The following SRMS variants were observed in gnomAD, a reference collection of about 807,000 sequenced individuals.
SRMS encodes the protein tyrosine-protein kinase Srms.
A neutral mutation model predicts 43.5 loss-of-function variants in SRMS; 42 were observed. That is an observed-to-expected ratio of 0.97 (90% CI 0.75 to 1.25). The LOEUF is 1.25. Among genes scored for constraint, SRMS ranks in the 50% most tolerant of loss-of-function variants. The pLI, the probability that SRMS is intolerant of heterozygous loss-of-function variation, is 0.00. For synonymous variants in SRMS, 316 were observed against 308.2 expected (o/e 1.03, Z -0.27); for missense variants, 703 against 681.0 (o/e 1.03, Z -0.36).
chr20:63,539,942 G>C lies in SRMS; in HGVS notation c.*876C>G, dbSNP rs1299505866. ...GTGCCACCTGGAACCCACCCAGGGA[G>C]ATGGAATCGGCAGCTCCTGCCAATG... On this transcript the variant is annotated 3_prime_UTR_variant, in exon 8 of 8. Transcript: ENST00000217188. Among the ~76,000 whole-genome samples, 2 of 152,210 alleles carry C rather than the reference G, an allele frequency of 1.3e-5. No individual in the cohort carries two copies. Among genetic ancestry groups the C allele is most frequent in the African/African-American group, 4.8e-5 (2 of 41,456 alleles).
In SRMS at chr20:63,547,285, T is replaced by G; in HGVS notation, c.179A>C (p.Tyr60Ser). The G allele has an allele frequency of 6.2e-7, 1 of 1,608,880 alleles. No individual in the cohort carries two copies. Among genetic ancestry groups the G allele is most frequent in the Non-Finnish European group, 8.5e-7 (1 of 1,177,390 alleles). ...SPFPQLFLAL[Y>S]DFTARCGGEL... ...CCCGCCACACCGCGCCGTGAAGTCA[T>G]AGAGCGCAAGGAAGAGCTGAGGGAA... The change falls in exon 1 of 8, where the codon TAT becomes TCT. Residue 60 changes from tyrosine (Y) to serine (S), a missense_variant. Physicochemically the swap from Tyr to Ser is moderately radical, Grantham distance 144. Coordinates refer to ENST00000217188, the MANE Select transcript of SRMS (RefSeq NM_080823.4).
Position 63,543,391 on chromosome 20 carries a change from G to A in SRMS, c.568C>T (p.Leu190=). 6.2e-7 allele frequency: 1 copy of A among 1,612,846 alleles called. No homozygotes were observed. Among genetic ancestry groups the A allele is most frequent in the African/African-American group, 1.3e-5 (1 of 75,076 alleles). ...YLQKGRLFPG[L]EELLTYYKAN... ...TTGTAGTAGGTGAGCAGCTCCTCCA[G>A]GCCGGGAAAGAGCCGTCCCTTCTGC... Residue 190 remains leucine, a synonymous_variant, in exon 3 of 8, where the codon CTG becomes TTG. Coordinates refer to ENST00000217188, the MANE Select transcript of SRMS (RefSeq NM_080823.4).
In SRMS at chr20:63,540,736, A is replaced by T; in HGVS notation, c.*82T>A. ...AGCCAGAGGCTCCTCGGTCCGGCAGACCGGCATCCCTTCGAGTTGGCGCTC... is the reference window on the plus strand; with the variant it reads ...AGCCAGAGGCTCCTCGGTCCGGCAGTCCGGCATCCCTTCGAGTTGGCGCTC... On this transcript the variant is annotated 3_prime_UTR_variant, in exon 8 of 8. Transcript: ENST00000217188. 11 of 1,486,578 alleles carry T rather than the reference A, an allele frequency of 7.4e-6. No individual in the cohort carries two copies. In the South Asian group the frequency reaches 1.2e-4, roughly 16 times the overall value. 92.1% of individuals were successfully genotyped at this position (1,486,578 alleles called of 1,614,324 possible). A position where few individuals can be genotyped will look rare whatever the true frequency, so the allele number is the denominator to read the frequency against.
chr20:63,542,434 C>A lies in SRMS; in HGVS notation c.787+6G>T. Reference sequence around the variant, plus strand: ...CCGGCCGTGGCGCAGGATCTCGGGGCCTCACCTGACTTGATGACCTTGATC... The same window carrying A: ...CCGGCCGTGGCGCAGGATCTCGGGGACTCACCTGACTTGATGACCTTGATC... On this transcript the variant is annotated splice_donor_region_variant and intron_variant, in intron 4 of 7. Transcript: ENST00000217188. The A allele has an allele frequency of 1.9e-6, 3 of 1,609,358 alleles. No individual in the cohort carries two copies. Among genetic ancestry groups the A allele is most frequent in the Non-Finnish European group, 2.5e-6 (3 of 1,177,844 alleles).
rs917568797 is a variant in SRMS at position 63,539,925 on chromosome 20, T to A, written c.*893A>T. Among the ~76,000 whole-genome samples the A allele has an allele frequency of 2.6e-5, 4 of 152,206 alleles. No individual in the cohort carries two copies. Among genetic ancestry groups the A allele is most frequent in the Non-Finnish European group, 4.4e-5 (3 of 68,038 alleles). On this transcript the variant is annotated 3_prime_UTR_variant, in exon 8 of 8. Transcript: ENST00000217188. ...CCCGGCCCACCCTTCCTGTGCCACC[T>A]GGAACCCACCCAGGGAGATGGAATC...
rs371418625 is a variant in SRMS, at chr20:63,542,396, G to C, written c.787+44C>G. On this transcript the variant is annotated intron_variant, in intron 4 of 7. Transcript: ENST00000217188. ...TGCCCTGGGGCTTGAGGGTTGGACA[G>C]CAGGTGCGGGGCCCGGCCGTGGCGC... 4 of 1,597,652 alleles carry C rather than the reference G, an allele frequency of 2.5e-6. No individual in the cohort carries two copies. The African/African-American group carries it at 4.0e-5, about 16-fold the overall frequency.
chr20:63,542,162 C>A lies in SRMS; in HGVS notation c.946+1G>T. 1 of 1,605,084 alleles carries A rather than the reference C, an allele frequency of 6.2e-7. No individual in the cohort carries two copies. On this transcript the variant is annotated splice_donor_variant, in intron 5 of 7. Transcript: ENST00000217188. LOFTEE classifies it high-confidence loss of function. ...CACGTGGCAGCAGGGAGGGGACTCA[C>A]TGCCCAGGAAGGCCTGCAGGTTCCC... is the stretch of plus-strand genomic sequence containing the variant.
At chr20:63,544,938 A>G (rs35183165) in intron 1 of SRMS, among the ~76,000 whole-genome samples, 54,118 of 152,146 alleles carry the variant, frequency 0.36, 12,734 homozygotes, top group Middle Eastern at 0.61. Context: ...GCGAACGTTC[A>G]AAGCATCCTG....
chr20:63,542,081 C>G (rs2082707417), intron 5 of SRMS, 82 bp downstream of exon 5: 2 of 1,529,082 alleles, frequency 1.3e-6, no homozygotes, highest in Non-Finnish European at 1.8e-6. Context: ...CCTCGGAAAC[C>G]CCGCAGGTTC....
At position 63,541,545 on chromosome 20, in the gene SRMS, A is replaced by C; in HGVS notation, c.1022T>G (p.Leu341Arg). 6.3e-7 allele frequency: 1 copy of C among 1,592,080 alleles called. No homozygotes were observed. The highest frequency in any genetic ancestry group is 8.5e-7 in the Non-Finnish European group (1 of 1,171,382). ...ACQVAEGMSY[L>R]EEQRVVHRDL... ...CCGGTGCACAACGCGCTGCTCCTCC[A>C]GGTAGCTCATGCCCTCAGCCACCTG... Residue 341 changes from leucine to arginine, a missense_variant, in exon 6 of 8, where the codon CTG becomes CGG. Coordinates refer to ENST00000217188, the MANE Select transcript of SRMS (RefSeq NM_080823.4).
Position 63,543,477 on chromosome 20 carries a change from C to T in SRMS, c.482G>A (p.Arg161Gln), listed in dbSNP as rs140476273. 300 of 1,612,644 alleles carry T rather than the reference C, an allele frequency of 1.9e-4. No homozygotes were observed. Among genetic ancestry groups the T allele is most frequent in the South Asian group, 6.0e-4 (55 of 91,078 alleles). Reference sequence around the variant, plus strand: ...GTAGTGGCAGACCTTGGCCTGGGCCCGGACTAGGAAGGGTTCAGAGATGGA... The same window carrying T: ...GTAGTGGCAGACCTTGGCCTGGGCCTGGACTAGGAAGGGTTCAGAGATGGA... ...SSLGGYSLSV[R>Q]AQAKVCHYRV... Residue 161 changes from arginine to glutamine, a missense_variant, in exon 3 of 8, where the codon CGG becomes CAG. Arg to Gln is a conservative substitution (Grantham distance 43, BLOSUM62 1). Coordinates refer to ENST00000217188, the MANE Select transcript of SRMS (RefSeq NM_080823.4).
rs1345647031 is a variant in SRMS, at chr20:63,547,195, G to T, written c.269C>A (p.Ala90Glu). The change falls in exon 1 of 8, where the codon GCA becomes GAA. Residue 90 changes from alanine (A) to glutamate (E), a missense_variant. Coordinates refer to ENST00000217188, the MANE Select transcript of SRMS (RefSeq NM_080823.4). The stretch of plus-strand genomic sequence containing the variant: ...GCTGGGCTGGCCCGAAAGCCTGCGT[G>T]CGAAGATGTAGCCGCCCCCCTCTTC... The part of the protein sequence containing the change: ...ALEEGGGYIF[A>E]RRLSGQPSAG... The T allele has an allele frequency of 6.2e-7, 1 of 1,612,308 alleles. No homozygotes were observed. The highest frequency in any genetic ancestry group is 8.5e-7 in the Non-Finnish European group (1 of 1,179,716).
rs749789689 is a variant in SRMS, at chr20:63,539,433, G to A, written c.*1385C>T. 1.1e-4 allele frequency among the ~76,000 whole-genome samples: 16 copies of A among 152,186 alleles called. No individual in the cohort carries two copies. Among genetic ancestry groups the A allele is most frequent in the East Asian group, 1.9e-4 (1 of 5,190 alleles). On this transcript the variant is annotated 3_prime_UTR_variant, in exon 8 of 8. Coordinates refer to ENST00000217188, the MANE Select transcript of SRMS (RefSeq NM_080823.4). ...TGTGGACGGCAGCCATCAGCACTTC[G>A]GCTCAGCAGGTACAGAGCTGACCCC...
In SRMS at chr20:63,540,683, T is replaced by G; in HGVS notation, c.*135A>C. ...TGCACGTCTGCCTGGTGCACGAACA[T>G]GTGTGCACGCCAGGGCCTGAGGCCC... On this transcript the variant is annotated 3_prime_UTR_variant, in exon 8 of 8. Transcript: ENST00000217188. The G allele has an allele frequency of 8.8e-7, 1 of 1,130,594 alleles. No individual in the cohort carries two copies. The highest frequency in any genetic ancestry group is 1.2e-6 in the Non-Finnish European group (1 of 810,166). 70.0% of individuals were successfully genotyped at this position (1,130,594 alleles called of 1,614,324 possible).
At chr20:63,546,862 C>G (rs562939083) in intron 1 of SRMS, among the ~76,000 whole-genome samples, 4 of 152,344 alleles carry the variant, frequency 2.6e-5, no homozygotes, top group South Asian at 4.1e-4. Flanking sequence ...ATGCTCCCCC[C>G]CACAGGACCT....
At chr20:63,546,268 C>T (rs1329028827) in intron 1 of SRMS, among the ~76,000 whole-genome samples, 3 of 151,762 alleles carry the variant, frequency 2.0e-5, no homozygotes, top group Admixed American at 2.0e-4. Context: ...AGGCCCCTTC[C>T]TGTGACTCCG....
At chr20:63,546,980 T>C in intron 1 of SRMS, 128 bp downstream of exon 1, 1 of 880,980 alleles carries the variant, frequency 1.1e-6, no homozygotes, top group Non-Finnish European at 1.7e-6. Context: ...CCTGAATGAA[T>C]GCGTGGATGA....
chr20:63,544,112 C>T (rs1051779409), intron 2 of SRMS, 115 bp downstream of exon 2: 34 of 1,258,032 alleles, frequency 2.7e-5, no homozygotes, highest in Non-Finnish European at 3.3e-5. Context: ...GCTGTTGGGC[C>T]CTCAGTGGCG....
Position 63,543,498 on chromosome 20 carries a change from A to G in SRMS, c.479-18T>C. ...GGCCCGGACTAGGAAGGGTTCAGAGATGGAGACCCCTGCCTTGGCTGCCAG... is the reference window on the plus strand; with the variant it reads ...GGCCCGGACTAGGAAGGGTTCAGAGGTGGAGACCCCTGCCTTGGCTGCCAG... On this transcript the variant is annotated intron_variant, in intron 2 of 7. Coordinates refer to ENST00000217188, the MANE Select transcript of SRMS (RefSeq NM_080823.4). 2 of 1,610,060 alleles carry G rather than the reference A, an allele frequency of 1.2e-6. No homozygotes were observed. Among genetic ancestry groups the G allele is most frequent in the Non-Finnish European group, 1.7e-6 (2 of 1,177,934 alleles).
Sources: allele counts gnomAD v4.1 joint callset (sites outside exome capture counted in the v4.1 genomes callset), GRCh38; gene constraint gnomAD v4.1.1; transcripts MANE v1.5; gene names NCBI Gene and HGNC (gene_info 2026-07-23, HGNC 2026-07-21).